The following EYA1 variants were observed in gnomAD, a reference collection of about 807,000 sequenced individuals.
EYA1 encodes EYA transcriptional coactivator and phosphatase 1.
EYA1 carries 16 observed loss-of-function variants against 82.0 expected under a neutral mutation model. The ratio of observed to expected loss-of-function variants is 0.20; its 90% CI spans 0.13 to 0.30. The LOEUF (loss-of-function observed/expected upper bound fraction) is 0.30. Ranked by LOEUF, EYA1 falls within the 10% of genes least tolerant of loss-of-function variation. The pLI is 1.00. For missense variants in EYA1, 633 were observed against 730.7 expected, an observed-to-expected ratio of 0.87 and a Z score of 1.54; for synonymous variants, 261 against 264.4, an observed-to-expected ratio of 0.99 and a Z score of 0.12.
At chr8:71,405,290 C>T (rs1254118381) in intron 2 of EYA1, among the ~76,000 whole-genome samples, 1 of 152,102 alleles carries the variant, frequency 6.6e-6, no homozygotes, top group Non-Finnish European at 1.5e-5. Context: ...CTATTTAGAA[C>T]AATGATTGCT....
chr8:71,281,798 C>T (rs908771697), intron 9 of EYA1, among the ~76,000 whole-genome samples: 1 of 152,220 alleles, frequency 6.6e-6, no homozygotes, highest in African/African-American at 2.4e-5. Flanking sequence ...ACCAGTTTTG[C>T]AGCTGGTCCT....
At chr8:71,541,055 G>T (rs1287094235) in intron 1 of EYA1, among the ~76,000 whole-genome samples, 1 of 152,194 alleles carries the variant, frequency 6.6e-6, no homozygotes, top group Non-Finnish European at 1.5e-5. Context: ...AAGCCACAAG[G>T]TGCCATGTCT....
At chr8:71,449,706 C>A (rs531881651) in intron 2 of EYA1, among the ~76,000 whole-genome samples, 3 of 152,196 alleles carry the variant, frequency 2.0e-5, no homozygotes, top group Non-Finnish European at 4.4e-5. Context: ...GTCAGCCTGA[C>A]CTTTGAAGCT....
At chr8:71,509,662 A>C (rs1248612672) in intron 2 of EYA1, among the ~76,000 whole-genome samples, 1 of 152,222 alleles carries the variant, frequency 6.6e-6, no homozygotes. Context: ...AATGTAAGTC[A>C]ATAAAATATA....
chr8:71,496,839 G>A (rs1191556415), intron 2 of EYA1, among the ~76,000 whole-genome samples: 5 of 151,274 alleles, frequency 3.3e-5, no homozygotes, highest in Admixed American at 2.0e-4. Flanking sequence ...ATTCTCAAGA[G>A]CCAGAAAAAG....
chr8:71,239,974 C>T (rs904886066), intron 12 of EYA1, among the ~76,000 whole-genome samples: 1 of 151,868 alleles, frequency 6.6e-6, no homozygotes, highest in East Asian at 1.9e-4. Context: ...TTAACATTGG[C>T]GTAACTGATA....
intron 17 of EYA1, among the ~76,000 whole-genome samples, chr8:71,201,075 G>A (rs1302009435): frequency 6.8e-6 from 1 of 148,108 alleles, no homozygotes; most frequent in Non-Finnish European, 1.5e-5. Flanking sequence ...GGAGCCAGCT[G>A]ATGCAGGGCC....
chr8:71,347,633 G>A (rs1175631900), intron 3 of EYA1, among the ~76,000 whole-genome samples: 1 of 152,000 alleles, frequency 6.6e-6, no homozygotes, highest in Non-Finnish European at 1.5e-5. Context: ...GGCATATGAT[G>A]TACTCAAAAA....
chr8:71,346,431 A>AATATAT (rs3066856), intron 3 of EYA1, among the ~76,000 whole-genome samples: 8,019 of 103,740 alleles, frequency 0.077, 402 homozygotes, highest in South Asian at 0.11. Flanking sequence ...TACTGCAGTG[A>AATATAT]ATATATATAT....
rs570569181 is a variant in EYA1 at position 71,307,762 on chromosome 8, T to C, written c.557-8042A>G. 3.9e-5 allele frequency among the ~76,000 whole-genome samples: 6 copies of C among 152,294 alleles called. No individual in the cohort carries two copies. In the South Asian group the frequency reaches 1.0e-3, roughly 26 times the overall value. On this transcript the variant is annotated intron_variant, in intron 7 of 17. Transcript: ENST00000340726. Reference sequence around the variant, plus strand: ...ATGGTACAAGAACTTCGCATCCACATACCATCGGAGCATGCCGCTAGGATG... The same window carrying C: ...ATGGTACAAGAACTTCGCATCCACACACCATCGGAGCATGCCGCTAGGATG...
At chr8:71,300,799 G>A (rs1820123154) in intron 7 of EYA1, among the ~76,000 whole-genome samples, 1 of 152,112 alleles carries the variant, frequency 6.6e-6, no homozygotes, top group African/African-American at 2.4e-5. Flanking sequence ...TTAATGGCAT[G>A]AGAAAAATTT....
At chr8:71,300,888 T>C (rs908506055) in intron 7 of EYA1, among the ~76,000 whole-genome samples, 1 of 152,158 alleles carries the variant, frequency 6.6e-6, no homozygotes, top group Non-Finnish European at 1.5e-5. Context: ...TTTTAAAGCA[T>C]GACAAATTTT....
At chr8:71,272,216 A>T (rs1033090969) in intron 9 of EYA1, among the ~76,000 whole-genome samples, 1 of 152,086 alleles carries the variant, frequency 6.6e-6, no homozygotes, top group Non-Finnish European at 1.5e-5. Context: ...CGCTTCTCTC[A>T]TTCATTCCAG....
chr8:71,233,585 A>C (rs1332746268), intron 12 of EYA1, among the ~76,000 whole-genome samples: 1 of 151,670 alleles, frequency 6.6e-6, no homozygotes, highest in Non-Finnish European at 1.5e-5. Context: ...AAAAAGAAAA[A>C]AAAGAAAGCC....
chr8:71,257,136 A>G (rs1406768698), intron 11 of EYA1, among the ~76,000 whole-genome samples: 1 of 152,164 alleles, frequency 6.6e-6, no homozygotes, highest in East Asian at 1.9e-4. Flanking sequence ...TATTCTTTTA[A>G]TGAATTCCTA....
At chr8:71,540,451 T>G (rs747167057) in intron 1 of EYA1, among the ~76,000 whole-genome samples, 2 of 152,126 alleles carry the variant, frequency 1.3e-5, no homozygotes, top group Admixed American at 6.5e-5. Context: ...AACAAAAGAT[T>G]GGGAGAAGAA....
intron 14 of EYA1, among the ~76,000 whole-genome samples, chr8:71,216,486 G>A (rs1809216895): frequency 6.6e-6 from 1 of 152,136 alleles, no homozygotes; most frequent in Non-Finnish European, 1.5e-5. Context: ...AGGTAACAGA[G>A]ACAGGACTAG....
intron 2 of EYA1, among the ~76,000 whole-genome samples, chr8:71,419,975 T>G (rs755991969): frequency 6.6e-6 from 1 of 152,150 alleles, no homozygotes; most frequent in Non-Finnish European, 1.5e-5. Flanking sequence ...GGCTAAATAC[T>G]TCTTCCCATT....
intron 1 of EYA1, chr8:71,547,615 CGA>C (rs1815753919): frequency 6.6e-6 from 1 of 151,876 alleles, no homozygotes; most frequent in Non-Finnish European, 1.5e-5. Flanking sequence ...TCCCGGGCGC[CGA>C]TCGCCGCCCT....
Sources: allele counts gnomAD v4.1 joint callset (sites outside exome capture counted in the v4.1 genomes callset), GRCh38; gene constraint gnomAD v4.1.1; transcripts MANE v1.5; gene names NCBI Gene and HGNC (gene_info 2026-07-23, HGNC 2026-07-21).